The following PAPPA2 variants were observed in gnomAD, a reference collection of about 807,000 sequenced individuals.
PAPPA2 encodes the protein pappalysin-2.
In PAPPA2, 86 loss-of-function variants were observed where a neutral mutation model predicts 176.4. The observed-to-expected ratio is 0.49, with a 90% CI of 0.41 to 0.58. PAPPA2 has a LOEUF of 0.58. Among genes scored for constraint, PAPPA2 ranks in the 20% least tolerant of loss-of-function variants. The probability of loss-of-function intolerance (pLI) is 0.00; values close to 1 mark genes in which losing one functional copy is unlikely to be tolerated. For missense variants in PAPPA2, 2,073 were observed against 2,256.9 expected, an observed-to-expected ratio of 0.92 and a Z score of 1.65; for synonymous variants, 809 against 852.2, an observed-to-expected ratio of 0.95 and a Z score of 0.88.
At chr1:176,729,174 A>C (rs997975075) in intron 12 of PAPPA2, among the ~76,000 whole-genome samples, 4 of 152,026 alleles carry the variant, frequency 2.6e-5, no homozygotes, top group African/African-American at 9.7e-5. Context: ...TTGTATACAG[A>C]ATAAGACAGG....
intron 15 of PAPPA2, among the ~76,000 whole-genome samples, chr1:176,766,386 G>T (rs547546000): frequency 2.6e-4 from 39 of 152,340 alleles, no homozygotes; most frequent in Admixed American, 3.3e-4. Context: ...AGAATTTCAA[G>T]ATGGTTTGGA....
intron 1 of PAPPA2, among the ~76,000 whole-genome samples, chr1:176,530,174 C>T (rs1649732821): frequency 6.6e-6 from 1 of 152,174 alleles, no homozygotes; most frequent in South Asian, 2.1e-4. Context: ...CCTACAGTCC[C>T]AGGGAGACAT....
At chr1:176,559,786 G>A (rs1259723511) in intron 2 of PAPPA2, among the ~76,000 whole-genome samples, 1 of 152,156 alleles carries the variant, frequency 6.6e-6, no homozygotes, top group Admixed American at 6.5e-5. Context: ...GGTGCTGCAA[G>A]ACTTGGCCCC....
chr1:176,759,808 A>G (rs1450013874), intron 14 of PAPPA2, among the ~76,000 whole-genome samples: 3 of 152,144 alleles, frequency 2.0e-5, no homozygotes, highest in African/African-American at 7.2e-5. Context: ...GCAAATAATG[A>G]TGTCTTTTTT....
chr1:176,693,378 G>T (rs150062588), intron 6 of PAPPA2, among the ~76,000 whole-genome samples: 1 of 152,192 alleles, frequency 6.6e-6, no homozygotes, highest in Non-Finnish European at 1.5e-5. Flanking sequence ...AGGTGAACTC[G>T]GGAGTCCAGT....
chr1:176,561,344 GT>G (rs1427965770), intron 2 of PAPPA2, among the ~76,000 whole-genome samples: 1 of 152,174 alleles, frequency 6.6e-6, no homozygotes, highest in Non-Finnish European at 1.5e-5. Flanking sequence ...TGGCCACTGT[GT>G]TTACTCATGG....
intron 1 of PAPPA2, among the ~76,000 whole-genome samples, chr1:176,473,714 T>A (rs1651987336): frequency 6.6e-6 from 1 of 152,242 alleles, no homozygotes; most frequent in Admixed American, 6.5e-5. Context: ...GTGTTTTGGA[T>A]TTTAGTCATT....
intron 1 of PAPPA2, among the ~76,000 whole-genome samples, chr1:176,535,286 G>A (rs1650011480): frequency 6.6e-6 from 1 of 152,186 alleles, no homozygotes. Flanking sequence ...CATGTGTTGA[G>A]GTTGTAGAGC....
Position 176,842,027 on chromosome 1 carries a change from T to A in PAPPA2, c.5302-353T>A, listed in dbSNP as rs1571408771. On this transcript the variant is annotated intron_variant, in intron 22 of 22. Coordinates refer to ENST00000367662, the MANE Select transcript of PAPPA2 (RefSeq NM_020318.3). ...AGTGACAGTAACAGTAAGAGCAGTA[T>A]TTTTAGATATGAGTGGTAATATTAG... is the stretch of plus-strand genomic sequence containing the variant. Among the ~76,000 whole-genome samples the A allele has an allele frequency of 2.0e-5, 3 of 152,198 alleles. No homozygotes were observed. In the East Asian group the frequency reaches 5.8e-4, roughly 29 times the overall value.
intron 4 of PAPPA2, among the ~76,000 whole-genome samples, chr1:176,674,473 A>G (rs772440110): frequency 3.9e-5 from 6 of 151,930 alleles, no homozygotes; most frequent in Non-Finnish European, 7.4e-5. Flanking sequence ...TTTACATCCT[A>G]ATAGTTTAGC....
At chr1:176,635,160 G>A (rs913973503) in intron 3 of PAPPA2, among the ~76,000 whole-genome samples, 1 of 152,194 alleles carries the variant, frequency 6.6e-6, no homozygotes, top group Admixed American at 6.5e-5. Context: ...AAGTTTTCAG[G>A]TTTTTTTCAC....
chr1:176,765,534 G>A (rs1163604876), intron 14 of PAPPA2, 132 bp from the exon 15 acceptor site: 2 of 796,804 alleles, frequency 2.5e-6, no homozygotes, highest in East Asian at 2.5e-5. Context: ...AAAAGGTGAT[G>A]AGTTAAATAT....
intron 3 of PAPPA2, among the ~76,000 whole-genome samples, chr1:176,636,749 G>T (rs550037960): frequency 6.6e-6 from 1 of 152,102 alleles, no homozygotes; most frequent in South Asian, 2.1e-4. Flanking sequence ...TACATCTCTG[G>T]TCTAATAAGT....
chr1:176,555,142 C>T (rs892879848), intron 1 of PAPPA2, among the ~76,000 whole-genome samples: 1 of 152,050 alleles, frequency 6.6e-6, no homozygotes, highest in Non-Finnish European at 1.5e-5. Flanking sequence ...CCAAGAGTAG[C>T]GTCTGTCCCC....
intron 14 of PAPPA2, among the ~76,000 whole-genome samples, chr1:176,753,235 G>A (rs1336533061): frequency 6.6e-6 from 1 of 152,166 alleles, no homozygotes; most frequent in Non-Finnish European, 1.5e-5. Flanking sequence ...GGAAGCCGGG[G>A]CACAGCTCAG....
rs571958730 is a variant in PAPPA2, at chr1:176,595,442, G to A, written c.1838G>A (p.Arg613His). The A allele has an allele frequency of 2.9e-5, 47 of 1,614,172 alleles. No homozygotes were observed. Among genetic ancestry groups the A allele is most frequent in the East Asian group, 1.1e-4 (5 of 44,874 alleles). The change falls in exon 3 of 23, where the codon CGC becomes CAC. Residue 613 changes from arginine to histidine, a missense_variant. Physicochemically the swap from Arg to His is conservative, Grantham distance 29. Transcript: ENST00000367662. ...PLTGYDGGDC[R>H]LQGRCYSWNR... ...ACAGGCTATGATGGGGGTGACTGCC[G>A]CCTGCAGGGCCGCTGCTACTCCTGG...
intron 12 of PAPPA2, among the ~76,000 whole-genome samples, chr1:176,722,897 C>G (rs1401559508): frequency 1.3e-5 from 2 of 152,186 alleles, no homozygotes; most frequent in Admixed American, 1.3e-4. Flanking sequence ...TTAGCTACAT[C>G]TTACATTTCA....
chr1:176,773,132 C>A (rs1664307153), intron 17 of PAPPA2, among the ~76,000 whole-genome samples: 1 of 152,156 alleles, frequency 6.6e-6, no homozygotes, highest in Admixed American at 6.5e-5. Context: ...GCTTGCATCA[C>A]AATGTCAGCA....
intron 21 of PAPPA2, among the ~76,000 whole-genome samples, chr1:176,805,987 C>T (rs998662517): frequency 2.0e-4 from 18 of 88,110 alleles, no homozygotes; most frequent in South Asian, 3.9e-4. Context: ...AACCCTGTCT[C>T]TCTCAAAAAA....
Sources: gnomAD v4.1 joint callset for allele counts (sites outside exome capture counted in the v4.1 genomes callset) on GRCh38, gnomAD v4.1.1 for gene constraint, MANE v1.5 for transcripts, NCBI Gene and HGNC (gene_info 2026-07-23, HGNC 2026-07-21) for gene names.